The following SMYD4 variants were observed in gnomAD, a reference collection of about 807,000 sequenced individuals.
SMYD4 encodes the protein SET and MYND domain containing 4.
SMYD4 carries 68 observed loss-of-function variants against 72.8 expected under a neutral mutation model. That is an observed-to-expected ratio of 0.93 (90% CI 0.77 to 1.14). The LOEUF is 1.14. Among genes scored for constraint, SMYD4 ranks in the 50% most tolerant of loss-of-function variants. The probability of loss-of-function intolerance (pLI) is 0.00; values close to 1 mark genes in which losing one functional copy is unlikely to be tolerated. For synonymous variants in SMYD4, 407 were observed against 388.6 expected, an observed-to-expected ratio of 1.05 and a Z score of -0.56; for missense variants, 984 against 1,003.7, an observed-to-expected ratio of 0.98 and a Z score of 0.27.
chr17:1,814,298 C>T (rs1045328197), intron 2 of SMYD4, among the ~76,000 whole-genome samples: 1 of 151,906 alleles, frequency 6.6e-6, no homozygotes, highest in Non-Finnish European at 1.5e-5. Context: ...GGGCAAGGCC[C>T]TGTCTCAAAA....
At position 1,796,505 on chromosome 17, in the gene SMYD4, C is replaced by T. The variant is rs376662451; in HGVS notation, c.1537+3352G>A. On this transcript the variant is annotated intron_variant, in intron 5 of 10. Coordinates refer to ENST00000305513, the MANE Select transcript of SMYD4 (RefSeq NM_052928.3). ...AGGCTGGAGTGCAGTGGCGTGATCT[C>T]GGCTCACTGTAACCCCCACCTCCCA... Among the ~76,000 whole-genome samples, 172 of 151,232 alleles carry T rather than the reference C, an allele frequency of 1.1e-3. 1 individual carries two copies. Among genetic ancestry groups the T allele is most frequent in the African/African-American group, 3.7e-3 (152 of 41,196 alleles).
intron 2 of SMYD4, among the ~76,000 whole-genome samples, chr17:1,821,245 G>A (rs1910873439): frequency 6.6e-6 from 1 of 151,982 alleles, no homozygotes; most frequent in Non-Finnish European, 1.5e-5. Context: ...CCGGGCAAGG[G>A]GGTTCACGCC....
At chr17:1,812,255 T>A (rs536546777) in intron 2 of SMYD4, 140 bp from the exon 3 acceptor site, 1 of 1,010,930 alleles carries the variant, frequency 9.9e-7, no homozygotes, top group South Asian at 1.7e-5. Context: ...GCAATGTGAT[T>A]AGAGGAAAGA....
chr17:1,794,371 A>G (rs1310067826), intron 5 of SMYD4, among the ~76,000 whole-genome samples: 2 of 149,596 alleles, frequency 1.3e-5, no homozygotes, highest in African/African-American at 4.9e-5. Flanking sequence ...CACCCACCTC[A>G]GCCTCCCATA....
In SMYD4 at chr17:1,795,747, G is replaced by GTTGTT. The variant is rs1555575984; in HGVS notation, c.1537+4109_1537+4110insAACAA. Among the ~76,000 whole-genome samples the GTTGTT allele has an allele frequency of 9.1e-4, 117 of 128,452 alleles. 1 individual carries two copies. The highest frequency in any genetic ancestry group is 3.5e-3 in the African/African-American group (112 of 31,692). 84.3% of individuals were successfully genotyped at this position (128,452 alleles called of 152,430 possible). The stretch of plus-strand genomic sequence containing the variant: ...ATGAGCCACTGTGCCTGGCCCGTGA[G>GTTGTT]TTTTTTTTTTTTTTTTTTAAGTATT... On this transcript the variant is annotated intron_variant, in intron 5 of 10. Coordinates refer to ENST00000305513, the MANE Select transcript of SMYD4 (RefSeq NM_052928.3).
Position 1,827,720 on chromosome 17 carries a change from G to C in SMYD4, c.134+141C>G, listed in dbSNP as rs112741053. Reference sequence around the variant, plus strand: ...GGAGGCCAAGGTGGGAGGATTGCTTGAGCCCAGAAATTTGAGACCAGCCTG... The same window carrying C: ...GGAGGCCAAGGTGGGAGGATTGCTTCAGCCCAGAAATTTGAGACCAGCCTG... On this transcript the variant is annotated intron_variant, in intron 2 of 10. Transcript: ENST00000305513. 1.0e-3 allele frequency: 1,165 copies of C among 1,165,146 alleles called. 10 individuals carry two copies. The African/African-American group carries it at 0.017, about 17-fold the overall frequency. 72.2% of individuals were successfully genotyped at this position (1,165,146 alleles called of 1,614,324 possible).
chr17:1,821,517 A>G (rs1187918425), intron 2 of SMYD4, among the ~76,000 whole-genome samples: 2 of 152,172 alleles, frequency 1.3e-5, no homozygotes, highest in Non-Finnish European at 2.9e-5. Flanking sequence ...TCTGTCTCAA[A>G]AAAACAAAAA....
intron 3 of SMYD4, among the ~76,000 whole-genome samples, chr17:1,808,347 C>T (rs893886740): frequency 2.6e-5 from 4 of 151,858 alleles, no homozygotes; most frequent in Non-Finnish European, 2.9e-5. Flanking sequence ...AATCAATTGT[C>T]GAAGGAAAAA....
chr17:1,807,220 T>C (rs888131307), intron 3 of SMYD4, among the ~76,000 whole-genome samples: 1 of 151,758 alleles, frequency 6.6e-6, no homozygotes, highest in Non-Finnish European at 1.5e-5. Context: ...TAGACTTGTT[T>C]GAAACAGCAA....
At chr17:1,791,754 G>T (rs1160979090) in intron 5 of SMYD4, among the ~76,000 whole-genome samples, 3 of 152,134 alleles carry the variant, frequency 2.0e-5, no homozygotes, top group Non-Finnish European at 2.9e-5. Flanking sequence ...GGGCGCAGTG[G>T]CTCACGCCTG....
chr17:1,819,482 G>T (rs1203704258), intron 2 of SMYD4, among the ~76,000 whole-genome samples: 1 of 152,080 alleles, frequency 6.6e-6, no homozygotes, highest in Non-Finnish European at 1.5e-5. Context: ...ACTTAATGTG[G>T]CAATTGCTGA....
chr17:1,809,283 G>A (rs1459933046), intron 3 of SMYD4, among the ~76,000 whole-genome samples: 5 of 152,078 alleles, frequency 3.3e-5, no homozygotes, highest in African/African-American at 9.7e-5. Context: ...TAAAAGCTAC[G>A]GAAGGAAGTT....
intron 2 of SMYD4, among the ~76,000 whole-genome samples, chr17:1,825,323 C>T (rs951073491): frequency 6.6e-5 from 10 of 151,976 alleles, no homozygotes; most frequent in East Asian, 3.9e-4. Flanking sequence ...ACCCCTTAAA[C>T]GTATATTTTG....
chr17:1,799,438 G>A (rs1312386465), intron 5 of SMYD4, among the ~76,000 whole-genome samples: 2 of 150,570 alleles, frequency 1.3e-5, no homozygotes, highest in Non-Finnish European at 3.0e-5. Context: ...GCACGATCTC[G>A]GCTCATTTGC....
chr17:1,780,172 T>G lies in SMYD4; in HGVS notation c.*1114A>C, dbSNP rs1318940546. On this transcript the variant is annotated 3_prime_UTR_variant, in exon 11 of 11. Coordinates refer to ENST00000305513, the MANE Select transcript of SMYD4 (RefSeq NM_052928.3). ...AGCCCTCATATCCTAGGCTTCGGACTGTTGGGAAAGTCTTATCTTCCTGAC... is the reference window on the plus strand; with the variant it reads ...AGCCCTCATATCCTAGGCTTCGGACGGTTGGGAAAGTCTTATCTTCCTGAC... 2.0e-5 allele frequency: 3 copies of G among 152,248 alleles called. No individual in the cohort carries two copies. Among genetic ancestry groups the G allele is most frequent in the Non-Finnish European group, 4.4e-5 (3 of 68,050 alleles). 9.4% of individuals were successfully genotyped at this position (152,248 alleles called of 1,614,324 possible). A position where few individuals can be genotyped will look rare whatever the true frequency, so the allele number is the denominator to read the frequency against.
chr17:1,828,500 A>G (rs1911325993), intron 1 of SMYD4, among the ~76,000 whole-genome samples: 1 of 151,934 alleles, frequency 6.6e-6, no homozygotes, highest in Admixed American at 6.6e-5. Context: ...CCATTCAGAA[A>G]TATTTACTGA....
At chr17:1,803,895 T>TG in intron 4 of SMYD4, among the ~76,000 whole-genome samples, 1 of 151,372 alleles carries the variant, frequency 6.6e-6, no homozygotes, top group South Asian at 2.1e-4. Context: ...AGTTTTTTTT[T>TG]TTTTTGAGAC....
chr17:1,827,812 A>G (rs1409508598), intron 2 of SMYD4, 49 bp downstream of exon 2: 9 of 1,573,292 alleles, frequency 5.7e-6, no homozygotes, highest in Non-Finnish European at 7.8e-6. Context: ...ATGACAAAAT[A>G]GAACATTTTT....
At chr17:1,814,861 C>T (rs892105883) in intron 2 of SMYD4, 1 of 152,102 alleles carries the variant, frequency 6.6e-6, no homozygotes, top group African/African-American at 2.4e-5. Context: ...GGTGTGCTTG[C>T]CTGTTCTACA....
Sources: allele counts gnomAD v4.1 joint callset (sites outside exome capture counted in the v4.1 genomes callset), GRCh38; gene constraint gnomAD v4.1.1; transcripts MANE v1.5; gene names NCBI Gene and HGNC (gene_info 2026-07-23, HGNC 2026-07-21).